The following PLEKHA4 variants were observed in gnomAD, a reference collection of about 807,000 sequenced individuals.
The protein encoded by PLEKHA4 is pleckstrin homology domain-containing family A member 4.
In PLEKHA4, 73 loss-of-function variants were observed where a neutral mutation model predicts 94.7. The ratio of observed to expected loss-of-function variants is 0.77; its 90% CI spans 0.64 to 0.94. PLEKHA4 has a LOEUF of 0.94. PLEKHA4 is among the 40% of genes least tolerant of loss of function. The probability of loss-of-function intolerance (pLI) is 0.00; values close to 1 mark genes in which losing one functional copy is unlikely to be tolerated. For missense variants in PLEKHA4, 1,049 were observed against 1,054.1 expected, an observed-to-expected ratio of 1.00 and a Z score of 0.07; for synonymous variants, 449 against 437.1, an observed-to-expected ratio of 1.03 and a Z score of -0.34.
At position 48,853,617 on chromosome 19, in the gene PLEKHA4, C is replaced by T. The variant is rs191275469; in HGVS notation, c.1326+65G>A. 8.9e-5 allele frequency: 125 copies of T among 1,402,060 alleles called. 1 individual carries two copies. The African/African-American group carries it at 1.7e-3, about 19-fold the overall frequency. The allele number at this position is 1,402,060 out of a possible 1,614,324, so 86.9% of individuals were successfully genotyped here. A position where few individuals can be genotyped will look rare whatever the true frequency, so the allele number is the denominator to read the frequency against. Reference sequence around the variant, plus strand: ...CCTATGAGCCCTCTGGGGCAGGTCCCCTTCGTAACGACTTGCATAGTCCTG... The same window carrying T: ...CCTATGAGCCCTCTGGGGCAGGTCCTCTTCGTAACGACTTGCATAGTCCTG... On this transcript the variant is annotated intron_variant, in intron 12 of 19. Coordinates refer to ENST00000263265, the MANE Select transcript of PLEKHA4 (RefSeq NM_020904.3).
intron 8 of PLEKHA4, among the ~76,000 whole-genome samples, chr19:48,857,815 A>G (rs987761632): frequency 6.6e-6 from 1 of 150,678 alleles, no homozygotes; most frequent in Admixed American, 6.6e-5. Context: ...AAAACCAGAG[A>G]CCTTTGTTCA....
chr19:48,844,873 G>A lies in PLEKHA4; in HGVS notation c.1743+497C>T, dbSNP rs139976296. Among the ~76,000 whole-genome samples, 988 of 140,310 alleles carry A rather than the reference G, an allele frequency of 7.0e-3. 50 individuals are homozygous for A. In the Admixed American group the frequency reaches 0.071, roughly 10 times the overall value. 92.0% of individuals were successfully genotyped at this position (140,310 alleles called of 152,430 possible). ...CTTGTCGCACAAGCTGGAGTGCAAT[G>A]GTGTGATCTCAGCTCACTGCAACCT... is the stretch of plus-strand genomic sequence containing the variant. On this transcript the variant is annotated intron_variant, in intron 16 of 19. Coordinates refer to ENST00000263265, the MANE Select transcript of PLEKHA4 (RefSeq NM_020904.3).
chr19:48,860,412 T>C lies in PLEKHA4; in HGVS notation c.414A>G (p.Leu138=), dbSNP rs963262857. ...CCCGTAGCCAGCCCCGCAGGTCTTC[T>C]AAGGTGTCAGCGGCCAAAACGTAGG... The part of the protein sequence containing the change: ...MRTYVLAADT[L]EDLRGWLRAL... The change falls in exon 6 of 20, where the codon TTA becomes TTG. Residue 138 remains leucine (L), a synonymous_variant. Transcript: ENST00000263265. 6 of 1,614,112 alleles carry C rather than the reference T, an allele frequency of 3.7e-6. No individual in the cohort carries two copies. The highest frequency in any genetic ancestry group is 5.1e-6 in the Non-Finnish European group (6 of 1,180,030).
chr19:48,859,228 C>G (rs1332112661), intron 7 of PLEKHA4, 89 bp from the exon 8 acceptor site: 1 of 1,074,608 alleles, frequency 9.3e-7, no homozygotes, highest in East Asian at 2.6e-5. Flanking sequence ...AAGGACATGT[C>G]TCACTTCACT....
At chr19:48,844,113 ATTTAT>A (rs2035867436) in intron 16 of PLEKHA4, among the ~76,000 whole-genome samples, 1 of 142,516 alleles carries the variant, frequency 7.0e-6, no homozygotes, top group Non-Finnish European at 1.5e-5. Flanking sequence ...GAAATGCCTT[ATTTAT>A]TTTATTATTA....
In PLEKHA4 at chr19:48,857,522, G is replaced by A. The variant is rs371440546; in HGVS notation, c.973-26C>T. ...CTGGGAGGAACGTTGAAATGGAGATGTTTAGAAACTGGCATGTCTGGGAGA... is the reference window on the plus strand; with the variant it reads ...CTGGGAGGAACGTTGAAATGGAGATATTTAGAAACTGGCATGTCTGGGAGA... On this transcript the variant is annotated intron_variant, in intron 8 of 19. Coordinates refer to ENST00000263265, the MANE Select transcript of PLEKHA4 (RefSeq NM_020904.3). The A allele has an allele frequency of 2.2e-6, 3 of 1,335,834 alleles. No homozygotes were observed. The African/African-American group carries it at 4.4e-5, about 19-fold the overall frequency. 82.7% of individuals were successfully genotyped at this position (1,335,834 alleles called of 1,614,324 possible).
rs1220026230 is a variant in PLEKHA4 at position 48,867,559 on chromosome 19, G to A, written c.62C>T (p.Ser21Leu). ...SLASSASTIS[S>L]LSSLSPKKPT... ...AACCTTGGGGCTCAGGCTGCTGAGC[G>A]AGGAGATGGTGGAGGCGCTGCTGGC... The change falls in exon 2 of 20, where the codon TCG becomes TTG. Residue 21 changes from serine to leucine, a missense_variant. Ser to Leu is a moderately radical substitution (Grantham distance 145, BLOSUM62 -2). Transcript: ENST00000263265. The surrounding 1 kb of genome is among the most constrained non-coding windows in gnomAD (Gnocchi z 4.7). 8 of 1,601,578 alleles carry A rather than the reference G, an allele frequency of 5.0e-6. No homozygotes were observed. The highest frequency in any genetic ancestry group is 4.5e-5 in the East Asian group (2 of 44,512).
chr19:48,841,139 C>T lies in PLEKHA4; in HGVS notation c.1905+10G>A, dbSNP rs1281408907. 1 of 1,604,182 alleles carries T rather than the reference C, an allele frequency of 6.2e-7. No individual in the cohort carries two copies. The highest frequency in any genetic ancestry group is 1.7e-5 in the Admixed American group (1 of 58,824). ...ACCCCACCGCCCAGCCCCAGCCCTC[C>T]TCCCCTCACCCTTTGCTCCACGTCA... On this transcript the variant is annotated intron_variant, in intron 17 of 19. Transcript: ENST00000263265.
chr19:48,860,563 G>T, intron 5 of PLEKHA4, 104 bp from the exon 6 acceptor site: 1 of 788,614 alleles, frequency 1.3e-6, no homozygotes, highest in Non-Finnish European at 2.1e-6. Flanking sequence ...TTGGGAGGCC[G>T]ATGCGGGAGG....
intron 16 of PLEKHA4, among the ~76,000 whole-genome samples, chr19:48,843,629 C>T (rs151292904): frequency 0.016 from 2,451 of 151,866 alleles, 28 homozygotes; most frequent in Middle Eastern, 0.045. Context: ...CACAGGTGGG[C>T]ACCACCACGC....
At position 48,859,702 on chromosome 19, in the gene PLEKHA4, AC is replaced by A. The variant is rs1253828170; in HGVS notation, c.477-19del. On this transcript the variant is annotated intron_variant, in intron 6 of 19. Coordinates refer to ENST00000263265, the MANE Select transcript of PLEKHA4 (RefSeq NM_020904.3). ...GTTGCCCACTAGCGAGTGGACATAG[AC>A]AAGATATCACTCCTTCGAACTTCAT... 2 of 1,599,710 alleles carry A rather than the reference AC, an allele frequency of 1.3e-6. No individual in the cohort carries two copies. Among genetic ancestry groups the A allele is most frequent in the East Asian group, 2.2e-5 (1 of 44,812 alleles).
At chr19:48,849,395 G>A (rs764822532) in intron 13 of PLEKHA4, among the ~76,000 whole-genome samples, 6 of 151,674 alleles carry the variant, frequency 4.0e-5, no homozygotes, top group South Asian at 2.1e-4. Context: ...TGCAACCTCC[G>A]CCTCCCGGGT....
chr19:48,845,763 C>T, intron 14 of PLEKHA4, 147 bp from the exon 15 acceptor site: 1 of 622,044 alleles, frequency 1.6e-6, no homozygotes, highest in Non-Finnish European at 2.5e-6. Flanking sequence ...ACCTGTAATC[C>T]CAGCGCTTTG....
At chr19:48,852,427 G>T in intron 12 of PLEKHA4, 101 bp from the exon 13 acceptor site, 2 of 892,470 alleles carry the variant, frequency 2.2e-6, no homozygotes, top group Non-Finnish European at 3.6e-6. Flanking sequence ...AGGGAGTTTG[G>T]TCCCTGGAGC....
chr19:48,850,207 T>C (rs190415823), intron 13 of PLEKHA4, among the ~76,000 whole-genome samples: 184 of 146,568 alleles, frequency 1.3e-3, no homozygotes, highest in African/African-American at 4.5e-3. Flanking sequence ...CTCCATCTCA[T>C]AAATAAATAA....
chr19:48,837,656 C>G lies in PLEKHA4; in HGVS notation c.2078-105G>C. 1 of 1,394,182 alleles carries G rather than the reference C, an allele frequency of 7.2e-7. No homozygotes were observed. The highest frequency in any genetic ancestry group is 9.9e-7 in the Non-Finnish European group (1 of 1,009,568). 86.4% of individuals were successfully genotyped at this position (1,394,182 alleles called of 1,614,324 possible). On this transcript the variant is annotated intron_variant, in intron 19 of 19. Coordinates refer to ENST00000263265, the MANE Select transcript of PLEKHA4 (RefSeq NM_020904.3). This position sits in a 1 kb window ranked among gnomAD's most constrained non-coding sequence, Gnocchi z 4.3. ...CCAGGACTCCGGATTCCCAGCCCCTCCTCCATCAGACCCAGGAGTCCAGGC... is the reference window on the plus strand; with the variant it reads ...CCAGGACTCCGGATTCCCAGCCCCTGCTCCATCAGACCCAGGAGTCCAGGC...
At position 48,842,143 on chromosome 19, in the gene PLEKHA4, C is replaced by CTTT. The variant is rs398059794; in HGVS notation, c.1744-836_1744-834dup. 4.9e-4 allele frequency among the ~76,000 whole-genome samples: 60 copies of CTTT among 121,424 alleles called. 1 individual carries two copies. Among genetic ancestry groups the CTTT allele is most frequent in the African/African-American group, 1.5e-3 (45 of 29,370 alleles). 79.7% of individuals were successfully genotyped at this position (121,424 alleles called of 152,430 possible). Reference sequence around the variant, plus strand: ...TTACCCTATGTTGTTAATTTATTTTCTTTTTTTTTTTTTTTTTTTGAGACA... The same window carrying CTTT: ...TTACCCTATGTTGTTAATTTATTTTCTTTTTTTTTTTTTTTTTTTTTTGAGACA... On this transcript the variant is annotated intron_variant, in intron 16 of 19. Coordinates refer to ENST00000263265, the MANE Select transcript of PLEKHA4 (RefSeq NM_020904.3).
rs1426380948 is a variant in PLEKHA4 at position 48,853,769 on chromosome 19, A to C, written c.1239T>G (p.Ala413=). ...GACCCCAGGCCCTCCCGGGAGCCCC[A>C]GCCTCCCTGGTGGCTTGGCCCAGCT... ...RQQLGQATRE[A]GAPGRAWGRQ... is the part of the protein sequence containing the mutation. Residue 413 remains alanine, a synonymous_variant, in exon 12 of 20, where the codon GCT becomes GCG. Transcript: ENST00000263265. 2 of 1,613,368 alleles carry C rather than the reference A, an allele frequency of 1.2e-6. No homozygotes were observed. Among genetic ancestry groups the C allele is most frequent in the Non-Finnish European group, 1.7e-6 (2 of 1,179,778 alleles).
intron 3 of PLEKHA4, among the ~76,000 whole-genome samples, chr19:48,863,714 A>G (rs2036732944): frequency 1.3e-5 from 2 of 151,966 alleles, no homozygotes; most frequent in Admixed American, 6.6e-5. Flanking sequence ...CTGAGATTAC[A>G]GGAGTGAGCC....
Sources: gnomAD v4.1 joint callset for allele counts (sites outside exome capture counted in the v4.1 genomes callset) on GRCh38, gnomAD v4.1.1 for gene constraint, Gnocchi (gnomAD v3.1) non-coding constraint, MANE v1.5 for transcripts, NCBI Gene and HGNC (gene_info 2026-07-23, HGNC 2026-07-21) for gene names.